RANGAP1: variants seen among roughly 807,000 people sequenced by gnomAD.
RANGAP1 encodes Ran GTPase activating protein 1.
In RANGAP1, 38 loss-of-function variants were observed where a neutral mutation model predicts 63.5. The ratio of observed to expected loss-of-function variants is 0.60; its 90% CI spans 0.46 to 0.78. The LOEUF is 0.78. Ranked by LOEUF, RANGAP1 falls within the 30% of genes least tolerant of loss-of-function variation. The pLI is 0.00. For missense variants in RANGAP1, 630 were observed against 740.3 expected, an observed-to-expected ratio of 0.85 and a Z score of 1.73; for synonymous variants, 329 against 310.5, an observed-to-expected ratio of 1.06 and a Z score of -0.63.
At position 41,252,917 on chromosome 22, in the gene RANGAP1, C is replaced by T; in HGVS notation, c.1335G>A (p.Lys445=). 6.4e-7 allele frequency: 1 copy of T among 1,570,606 alleles called. No individual in the cohort carries two copies. The highest frequency in any genetic ancestry group is 8.6e-7 in the Non-Finnish European group (1 of 1,160,772). Residue 445 remains lysine, a synonymous_variant, in exon 12 of 16, where the codon AAG becomes AAA. Transcript: ENST00000356244. ...AGCTCTTGGGCCCTAGGCGCAGCAG[C>T]TTCTCTGGAGAGGGAAAAGCCAGGA... ...STFLAFPSPE[K]LLRLGPKSSV... is the part of the protein sequence containing the mutation.
rs934923602 is a variant in RANGAP1, at chr22:41,244,934, G to A, written c.*1669C>T. Among the ~76,000 whole-genome samples, 3 of 152,056 alleles carry A rather than the reference G, an allele frequency of 2.0e-5. No individual in the cohort carries two copies. Among genetic ancestry groups the A allele is most frequent in the Non-Finnish European group, 4.4e-5 (3 of 68,022 alleles). On this transcript the variant is annotated 3_prime_UTR_variant, in exon 16 of 16. Transcript: ENST00000356244. ...CTATTCCACCCTTCCCCTAGCCCTGGCAACCTCTACCTTCTTGTCTCTGAA... is the reference window on the plus strand; with the variant it reads ...CTATTCCACCCTTCCCCTAGCCCTGACAACCTCTACCTTCTTGTCTCTGAA...
At chr22:41,254,670 T>C (rs983887173) in intron 10 of RANGAP1, 176 bp from the exon 11 acceptor site, 1 of 983,140 alleles carries the variant, frequency 1.0e-6, no homozygotes, top group Non-Finnish European at 1.2e-6. Flanking sequence ...ATCCATGCTG[T>C]GGACACAAAA....
chr22:41,270,054 T>C (rs1763401352), intron 3 of RANGAP1, among the ~76,000 whole-genome samples: 1 of 152,064 alleles, frequency 6.6e-6, no homozygotes, highest in African/African-American at 2.4e-5. Context: ...AAGCTGGTCT[T>C]GAACTCTCGA....
chr22:41,265,546 AG>A (rs904837347), intron 4 of RANGAP1, among the ~76,000 whole-genome samples: 2 of 152,078 alleles, frequency 1.3e-5, no homozygotes, highest in Non-Finnish European at 2.9e-5. Flanking sequence ...AGGAGGAGGG[AG>A]GGAGGAACCA....
At chr22:41,282,978 C>A (rs1472840324) in intron 1 of RANGAP1, among the ~76,000 whole-genome samples, 1 of 152,132 alleles carries the variant, frequency 6.6e-6, no homozygotes, top group African/African-American at 2.4e-5. Context: ...TGAATCCTCC[C>A]ACCCCTAGGC....
At chr22:41,269,591 C>T (rs1011554238) in intron 3 of RANGAP1, among the ~76,000 whole-genome samples, 2 of 151,782 alleles carry the variant, frequency 1.3e-5, no homozygotes, top group African/African-American at 2.4e-5. Flanking sequence ...AAAAATTAGC[C>T]GGGCATGGTG....
chr22:41,273,073 G>C (rs760066503), intron 3 of RANGAP1, among the ~76,000 whole-genome samples: 15 of 152,142 alleles, frequency 9.9e-5, no homozygotes, highest in Non-Finnish European at 1.9e-4. Context: ...TGGGATTATA[G>C]CTGTGAGCCA....
At chr22:41,260,192 C>T (rs1167854915) in intron 6 of RANGAP1, among the ~76,000 whole-genome samples, 1 of 152,078 alleles carries the variant, frequency 6.6e-6, no homozygotes, top group African/African-American at 2.4e-5. Context: ...TTCACAGACC[C>T]CTGAATTCTA....
rs2032985914 is a variant in RANGAP1, at chr22:41,245,709, G to A, written c.*894C>T. The stretch of plus-strand genomic sequence containing the variant: ...GCATGGGGCAGTCACGGGTGCTCAG[G>A]GAGGTCATACAGCATCTGCCCAGTC... On this transcript the variant is annotated 3_prime_UTR_variant, in exon 16 of 16. Coordinates refer to ENST00000356244, the MANE Select transcript of RANGAP1 (RefSeq NM_002883.4). 6.6e-6 allele frequency: 1 copy of A among 152,428 alleles called. No homozygotes were observed. Among genetic ancestry groups the A allele is most frequent in the African/African-American group, 2.4e-5 (1 of 41,452 alleles). 9.4% of individuals were successfully genotyped at this position (152,428 alleles called of 1,614,324 possible).
Position 41,259,923 on chromosome 22 carries a change from T to A in RANGAP1, c.615+1523A>T, listed in dbSNP as rs572367683. On this transcript the variant is annotated intron_variant, in intron 6 of 15. Coordinates refer to ENST00000356244, the MANE Select transcript of RANGAP1 (RefSeq NM_002883.4). ...CGGGAGGCTGAGGTGGGAGGATCACTTGAGCCTGGGAAGCTTCAACTGCAG... is the reference window on the plus strand; with the variant it reads ...CGGGAGGCTGAGGTGGGAGGATCACATGAGCCTGGGAAGCTTCAACTGCAG... 5.3e-5 allele frequency among the ~76,000 whole-genome samples: 8 copies of A among 152,124 alleles called. No individual in the cohort carries two copies. In the East Asian group the frequency reaches 1.5e-3, roughly 29 times the overall value.
rs147181790 is a variant in RANGAP1 at position 41,268,124 on chromosome 22, C to T, written c.273G>A (p.Arg91=). ...GGGCTGGTGGGATCTCGGTCCGCAGCCTTCCCGTGAACATGTCACTCCAGT... is the reference window on the plus strand; with the variant it reads ...GGGCTGGTGGGATCTCGGTCCGCAGTCTTCCCGTGAACATGTCACTCCAGT... ...RCHWSDMFTG[R]LRTEIPPALI... The change falls in exon 4 of 16, where the codon AGG becomes AGA. Residue 91 remains arginine, a synonymous_variant. Transcript: ENST00000356244. 4.9e-5 allele frequency: 76 copies of T among 1,559,510 alleles called. No homozygotes were observed. In the African/African-American group the frequency reaches 9.8e-4, roughly 20 times the overall value.
chr22:41,273,047 TG>T (rs1261032606), intron 3 of RANGAP1, among the ~76,000 whole-genome samples: 1 of 151,848 alleles, frequency 6.6e-6, no homozygotes, highest in East Asian at 1.9e-4. Flanking sequence ...TTCTGGGCCT[TG>T]GCCTTCCAAA....
chr22:41,302,088 G>T, the RANGAP1 span, among the ~76,000 whole-genome samples: 8 of 152,088 alleles, frequency 5.3e-5, no homozygotes, highest in Non-Finnish European at 1.0e-4. The surrounding 1 kb of genome is among the most constrained non-coding windows in gnomAD (Gnocchi z 5.7). Flanking sequence ...GCAGCCCCCA[G>T]GAGGTGTCTT....
chr22:41,252,280 C>A (rs1272681184), intron 12 of RANGAP1, among the ~76,000 whole-genome samples: 1 of 151,854 alleles, frequency 6.6e-6, no homozygotes, highest in African/African-American at 2.4e-5. Flanking sequence ...CCAGCCTGGG[C>A]GACAGAGTGA....
intron 13 of RANGAP1, among the ~76,000 whole-genome samples, chr22:41,250,285 C>G (rs897846191): frequency 6.6e-6 from 1 of 152,240 alleles, no homozygotes; most frequent in Non-Finnish European, 1.5e-5. Flanking sequence ...TGGCCCCCAC[C>G]TCCTTCCGAG....
At chr22:41,280,743 T>C in intron 2 of RANGAP1, 190 bp downstream of exon 2, 3 of 1,519,880 alleles carry the variant, frequency 2.0e-6, no homozygotes, top group South Asian at 2.4e-5. Flanking sequence ...ACATGGAAAG[T>C]GCAGGGGAGC....
intron 3 of RANGAP1, among the ~76,000 whole-genome samples, chr22:41,269,638 T>A (rs1403731107): frequency 6.6e-6 from 1 of 150,724 alleles, no homozygotes; most frequent in Non-Finnish European, 1.5e-5. Flanking sequence ...TAGAGGCCAC[T>A]CATTTCAGCA....
At chr22:41,260,829 T>G (rs2034124173) in intron 6 of RANGAP1, among the ~76,000 whole-genome samples, 1 of 152,020 alleles carries the variant, frequency 6.6e-6, no homozygotes, top group Non-Finnish European at 1.5e-5. Context: ...GGTGACAGAA[T>G]GAGACTCTGC....
upstream of RANGAP1, among the ~76,000 whole-genome samples, chr22:41,288,785 C>T (rs1000391625): frequency 6.7e-6 from 1 of 150,072 alleles, no homozygotes; most frequent in African/African-American, 2.5e-5. Context: ...TGGGGCTTGT[C>T]GGGGCTTGGT....
Sources: allele counts gnomAD v4.1 joint callset (sites outside exome capture counted in the v4.1 genomes callset), GRCh38; gene constraint gnomAD v4.1.1; non-coding constraint Gnocchi (gnomAD v3.1); transcripts MANE v1.5; gene names NCBI Gene and HGNC (gene_info 2026-07-23, HGNC 2026-07-21).